Variants in SDK1 observed in about 807,000 individuals in gnomAD.
SDK1 encodes protein sidekick-1.
SDK1 carries 157 observed loss-of-function variants against 245.5 expected under a neutral mutation model. The ratio of observed to expected loss-of-function variants is 0.64; its 90% CI spans 0.56 to 0.73. SDK1 has a LOEUF of 0.73. SDK1 is among the 30% of genes least tolerant of loss of function. SDK1 has a pLI of 0.00. For synonymous variants in SDK1, 1,647 were observed against 1,278.5 expected (o/e 1.29, Z -6.15); for missense variants, 3,583 against 3,002.3 (o/e 1.19, Z -4.52).
intron 1 of SDK1, among the ~76,000 whole-genome samples, chr7:3,355,872 C>G (rs1489809236): frequency 6.6e-6 from 1 of 152,152 alleles, no homozygotes; most frequent in East Asian, 1.9e-4. Context: ...TGCAGTCTTC[C>G]CTCTAGAGTG....
chr7:4,034,230 T>C (rs1788051313), intron 17 of SDK1, among the ~76,000 whole-genome samples: 1 of 152,146 alleles, frequency 6.6e-6, no homozygotes, highest in Admixed American at 6.5e-5. Flanking sequence ...CAAGAACTAC[T>C]CCAGATTGAA....
rs548001278 is a variant in SDK1 at position 3,455,093 on chromosome 7, A to G, written c.298+153209A>G. ...GTAATGGCTACTGGTGTTGGATATC[A>G]TATGATATCTGTTCGTGTCATTTGT... is the stretch of plus-strand genomic sequence containing the variant. On this transcript the variant is annotated intron_variant, in intron 1 of 44. Transcript: ENST00000404826. Among the ~76,000 whole-genome samples the G allele has an allele frequency of 3.0e-4, 45 of 151,676 alleles. No individual in the cohort carries two copies. The South Asian group carries it at 9.0e-3, about 30-fold the overall frequency.
intron 1 of SDK1, among the ~76,000 whole-genome samples, chr7:3,578,200 C>T (rs980402659): frequency 2.6e-5 from 4 of 151,966 alleles, no homozygotes; most frequent in Non-Finnish European, 5.9e-5. Context: ...GGTGACATCA[C>T]ATATCGGTAG....
chr7:3,510,541 A>G (rs1177892700), intron 1 of SDK1, among the ~76,000 whole-genome samples: 3 of 152,154 alleles, frequency 2.0e-5, no homozygotes, highest in Non-Finnish European at 4.4e-5. Flanking sequence ...CCAAACCCCA[A>G]ATGAGGAACA....
intron 5 of SDK1, among the ~76,000 whole-genome samples, chr7:3,866,431 C>T (rs1240952536): frequency 1.3e-5 from 2 of 152,132 alleles, no homozygotes; most frequent in East Asian, 3.9e-4. Context: ...TGAAAGGGGG[C>T]CAAGTGATTC....
At chr7:3,870,302 G>A (rs1780924949) in intron 5 of SDK1, among the ~76,000 whole-genome samples, 1 of 151,948 alleles carries the variant, frequency 6.6e-6, no homozygotes, top group Non-Finnish European at 1.5e-5. Flanking sequence ...TATTTTTACA[G>A]CGACTTGGCC....
Position 4,268,907 on chromosome 7 carries a change from G to A in SDK1, c.*3523G>A, listed in dbSNP as rs75925559. 0.013 allele frequency: 5,044 copies of A among 393,946 alleles called. 218 individuals carry two copies. Among genetic ancestry groups the A allele is most frequent in the African/African-American group, 0.091 (4,330 of 47,782 alleles). The allele number at this position is 393,946 out of a possible 1,614,324, so 24.4% of individuals were successfully genotyped here. On this transcript the variant is annotated 3_prime_UTR_variant, in exon 45 of 45. Coordinates refer to ENST00000404826, the MANE Select transcript of SDK1 (RefSeq NM_152744.4). The stretch of plus-strand genomic sequence containing the variant: ...TTTTCTGAAATTGTGCAGAAAAACA[G>A]ATCTCATTAAAAGAAAAAAAGAAAC...
intron 5 of SDK1, among the ~76,000 whole-genome samples, chr7:3,863,000 A>C (rs1780733283): frequency 6.6e-6 from 1 of 152,104 alleles, no homozygotes; most frequent in Admixed American, 6.6e-5. Flanking sequence ...ATGCTCACTC[A>C]CCAGCAGCTC....
rs117640064 is a variant in SDK1, at chr7:3,656,256, C to A, written c.713+14151C>A. 3.1e-3 allele frequency among the ~76,000 whole-genome samples: 466 copies of A among 152,308 alleles called. 6 individuals carry two copies. In the East Asian group the frequency reaches 0.048, roughly 16 times the overall value. On this transcript the variant is annotated intron_variant, in intron 4 of 44. Coordinates refer to ENST00000404826, the MANE Select transcript of SDK1 (RefSeq NM_152744.4). Reference sequence around the variant, plus strand: ...ATGTCCTTGGGAAACTCAAGTGAGTCCCACTGCTGTTGGCTCCTAAGAGAG... The same window carrying A: ...ATGTCCTTGGGAAACTCAAGTGAGTACCACTGCTGTTGGCTCCTAAGAGAG...
chr7:4,209,521 G>C (rs949842223), intron 37 of SDK1, among the ~76,000 whole-genome samples: 27 of 152,304 alleles, frequency 1.8e-4, no homozygotes, highest in African/African-American at 5.8e-4. Context: ...CCAGACCCAG[G>C]GGGACACTCA....
In SDK1 at chr7:4,221,333, C is replaced by T; in HGVS notation, c.5796C>T (p.Thr1932=). 6.2e-7 allele frequency: 1 copy of T among 1,612,572 alleles called. No individual in the cohort carries two copies. The highest frequency in any genetic ancestry group is 8.5e-7 in the Non-Finnish European group (1 of 1,179,480). ...WTEGHSGDTP[T]TGYVIEARPS... is the part of the protein sequence containing the mutation. ...AGGGACACTCTGGCGACACACCTAC[C>T]ACGGGCTATGTGATCGAGGCCCGGC... is the stretch of plus-strand genomic sequence containing the variant. Residue 1932 remains threonine (T), a synonymous_variant, in exon 40 of 45, where the codon ACC becomes ACT. Coordinates refer to ENST00000404826, the MANE Select transcript of SDK1 (RefSeq NM_152744.4).
intron 1 of SDK1, among the ~76,000 whole-genome samples, chr7:3,586,151 C>G (rs764329457): frequency 1.3e-5 from 2 of 151,618 alleles, no homozygotes; most frequent in African/African-American, 2.4e-5. Flanking sequence ...TCACCATTGC[C>G]TAACTCTCAG....
In SDK1 at chr7:3,904,650, C is replaced by T. The variant is rs181549233; in HGVS notation, c.848-46273C>T. Among the ~76,000 whole-genome samples, 135 of 152,210 alleles carry T rather than the reference C, an allele frequency of 8.9e-4. 1 individual carries two copies. In the Middle Eastern group the frequency reaches 0.02, roughly 23 times the overall value. Reference sequence around the variant, plus strand: ...TCAAGGCTGCAGTGGGCTACGATAACACCACTTCACTCCAGCCTGAGAGAC... The same window carrying T: ...TCAAGGCTGCAGTGGGCTACGATAATACCACTTCACTCCAGCCTGAGAGAC... On this transcript the variant is annotated intron_variant, in intron 5 of 44. Transcript: ENST00000404826.
chr7:3,717,215 A>G (rs917063475), intron 4 of SDK1, among the ~76,000 whole-genome samples: 4 of 152,224 alleles, frequency 2.6e-5, no homozygotes, highest in South Asian at 2.1e-4. Context: ...TAAAATCTCA[A>G]TGAATTTTAA....
intron 1 of SDK1, among the ~76,000 whole-genome samples, chr7:3,487,969 T>C (rs1354384710): frequency 6.6e-6 from 1 of 152,138 alleles, no homozygotes; most frequent in Non-Finnish European, 1.5e-5. Context: ...GTCTGTGGTA[T>C]TGTTGCTACA....
At chr7:3,980,799 G>A (rs376174773) in intron 13 of SDK1, among the ~76,000 whole-genome samples, 13 of 152,176 alleles carry the variant, frequency 8.5e-5, no homozygotes, top group African/African-American at 2.2e-4. Context: ...AAAATTAGCC[G>A]GGCGTGGTGT....
chr7:3,909,394 C>T (rs1382874543), intron 5 of SDK1, among the ~76,000 whole-genome samples: 1 of 152,162 alleles, frequency 6.6e-6, no homozygotes, highest in African/African-American at 2.4e-5. Context: ...AGCTGTGGAG[C>T]AGGGGTGGGT....
chr7:3,538,658 C>G (rs1429990946), intron 1 of SDK1, among the ~76,000 whole-genome samples: 2 of 152,292 alleles, frequency 1.3e-5, no homozygotes, highest in East Asian at 3.9e-4. Flanking sequence ...ACCAAGTCCA[C>G]ATGGTTTCCT....
intron 32 of SDK1, among the ~76,000 whole-genome samples, chr7:4,171,234 C>A (rs2128216388): frequency 6.6e-6 from 1 of 152,354 alleles, no homozygotes; most frequent in South Asian, 2.1e-4. Flanking sequence ...TCTGCCGCCG[C>A]CTCGGGTACA....
Sources: gnomAD v4.1 joint callset for allele counts (sites outside exome capture counted in the v4.1 genomes callset) on GRCh38, gnomAD v4.1.1 for gene constraint, MANE v1.5 for transcripts, NCBI Gene and HGNC (gene_info 2026-07-23, HGNC 2026-07-21) for gene names.